The following FLRT2 variants were observed in gnomAD, a reference collection of about 807,000 sequenced individuals.
The protein encoded by FLRT2 is leucine-rich repeat transmembrane protein FLRT2.
Under a neutral mutation model 40.0 loss-of-function variants are expected in FLRT2, and 15 were observed. The ratio of observed to expected loss-of-function variants is 0.38; its 90% CI spans 0.25 to 0.58. The LOEUF (loss-of-function observed/expected upper bound fraction) is 0.58. Ranked by LOEUF, FLRT2 falls within the 20% of genes least tolerant of loss-of-function variation. FLRT2 has a pLI of 0.71. For missense variants in FLRT2, 726 were observed against 840.0 expected, an observed-to-expected ratio of 0.86 and a Z score of 1.68; for synonymous variants, 380 against 336.8, an observed-to-expected ratio of 1.13 and a Z score of -1.41.
At chr14:85,577,561 T>G (rs1303851487) in intron 1 of FLRT2, among the ~76,000 whole-genome samples, 2 of 152,098 alleles carry the variant, frequency 1.3e-5, no homozygotes, top group Non-Finnish European at 2.9e-5. Flanking sequence ...GACTATGCCC[T>G]ACCTTCCATG....
At chr14:85,562,229 T>G (rs1351243115) in intron 1 of FLRT2, among the ~76,000 whole-genome samples, 1 of 152,236 alleles carries the variant, frequency 6.6e-6, no homozygotes, top group East Asian at 1.9e-4. Context: ...GTCACCTTCT[T>G]TAGTCCATGG....
At chr14:85,531,863 C>A (rs931883088) in intron 1 of FLRT2, among the ~76,000 whole-genome samples, 2 of 152,170 alleles carry the variant, frequency 1.3e-5, no homozygotes, top group African/African-American at 4.8e-5. Context: ...GGGTAGTGTG[C>A]GCGTGTGTGT....
rs1894349557 is a variant in FLRT2, at chr14:85,648,037, T to C, written c.*24540T>C. The C allele has an allele frequency of 6.6e-6, 1 of 152,174 alleles. No individual in the cohort carries two copies. The highest frequency in any genetic ancestry group is 2.1e-4 in the South Asian group (1 of 4,832). 9.4% of individuals were successfully genotyped at this position (152,174 alleles called of 1,614,324 possible). A position where few individuals can be genotyped will look rare whatever the true frequency, so the allele number is the denominator to read the frequency against. ...CCCTACAATTTTATAAAAATGGTGA[T>C]ACATTTGTAATTTGTCCCTCAAATT... is the stretch of plus-strand genomic sequence containing the variant. On this transcript the variant is annotated 3_prime_UTR_variant, in exon 2 of 2. Coordinates refer to ENST00000330753, the MANE Select transcript of FLRT2 (RefSeq NM_013231.6).
chr14:85,567,801 C>T (rs561719054), intron 1 of FLRT2, among the ~76,000 whole-genome samples: 51 of 151,946 alleles, frequency 3.4e-4, no homozygotes, highest in Non-Finnish European at 6.5e-4. Flanking sequence ...CCACCATGGC[C>T]GGCTACTTTT....
intron 1 of FLRT2, among the ~76,000 whole-genome samples, chr14:85,595,446 GAA>G (rs140209277): frequency 0.011 from 1,499 of 132,316 alleles, 19 homozygotes; most frequent in African/African-American, 0.026. Flanking sequence ...AGTAAGATGT[GAA>G]AAAAAAAAAA....
chr14:85,568,588 A>T (rs4127748), intron 1 of FLRT2, among the ~76,000 whole-genome samples: 3,288 of 152,232 alleles, frequency 0.022, 126 homozygotes, highest in African/African-American at 0.074. Flanking sequence ...TGGGCTTCAA[A>T]TCCAGTTCCT....
intron 1 of FLRT2, among the ~76,000 whole-genome samples, chr14:85,575,440 G>A (rs1891087519): frequency 6.6e-6 from 1 of 152,062 alleles, no homozygotes. Flanking sequence ...CAAAAACAAA[G>A]TGTTCCCAAA....
intron 1 of FLRT2, among the ~76,000 whole-genome samples, chr14:85,575,295 C>A (rs771794729): frequency 6.6e-6 from 1 of 151,748 alleles, no homozygotes; most frequent in African/African-American, 2.4e-5. Context: ...CCACATTCCT[C>A]TCTGTCTGCA....
rs200412416 is a variant in FLRT2 at position 85,622,702 on chromosome 14, G to T, written c.1188G>T (p.Thr396=). 60 of 1,613,676 alleles carry T rather than the reference G, an allele frequency of 3.7e-5. No individual in the cohort carries two copies. The highest frequency in any genetic ancestry group is 5.0e-5 in the Non-Finnish European group (59 of 1,179,986). ...LSIPNPSRSY[T]PPTPTTSKLP... is the part of the protein sequence containing the mutation. ...TTCCAAACCCTAGCAGAAGCTACACGCCTCCAACTCCTACCACATCGAAAC... is the reference window on the plus strand; with the variant it reads ...TTCCAAACCCTAGCAGAAGCTACACTCCTCCAACTCCTACCACATCGAAAC... Residue 396 remains threonine (T), a synonymous_variant, in exon 2 of 2, where the codon ACG becomes ACT. Transcript: ENST00000330753.
chr14:85,535,071 T>C (rs2139798576), intron 1 of FLRT2, among the ~76,000 whole-genome samples: 1 of 152,246 alleles, frequency 6.6e-6, no homozygotes, highest in South Asian at 2.1e-4. Context: ...CGCTCAAGAG[T>C]GCAAGGTGCT....
chr14:85,622,857 T>C lies in FLRT2; in HGVS notation c.1343T>C (p.Met448Thr). 1 of 1,614,196 alleles carries C rather than the reference T, an allele frequency of 6.2e-7. No individual in the cohort carries two copies. The highest frequency in any genetic ancestry group is 2.2e-5 in the East Asian group (1 of 44,862). The change falls in exon 2 of 2, where the codon ATG becomes ACG. Residue 448 changes from methionine (M) to threonine (T), a missense_variant. By Grantham distance (81) the Met-to-Thr change is moderately conservative. Coordinates refer to ENST00000330753, the MANE Select transcript of FLRT2 (RefSeq NM_013231.6). Reference protein sequence around the residue: ...QVSWLSLFTVMAYKLTWVKMG... With the variant: ...QVSWLSLFTVTAYKLTWVKMG... ...AGCTGGCTCTCTCTCTTCACCGTGA[T>C]GGCATACAAACTCACATGGGTGAAA...
rs115654598 is a variant in FLRT2, at chr14:85,583,621, C to T, written c.-376-37518C>T. On this transcript the variant is annotated intron_variant, in intron 1 of 1. Transcript: ENST00000330753. The stretch of plus-strand genomic sequence containing the variant: ...GACTCCTACAGGATAAAGTCAGGAT[C>T]AGAGCTCCTGGTCCGCTTAAAGAAT... 9.0e-3 allele frequency among the ~76,000 whole-genome samples: 1,366 copies of T among 152,240 alleles called. 21 individuals are homozygous for T. Among genetic ancestry groups the T allele is most frequent in the African/African-American group, 0.031 (1,296 of 41,522 alleles).
intron 1 of FLRT2, among the ~76,000 whole-genome samples, chr14:85,563,855 C>G (rs1890487274): frequency 6.6e-6 from 1 of 152,122 alleles, no homozygotes; most frequent in African/African-American, 2.4e-5. Context: ...GTGAAATGTT[C>G]TATTTCCTCT....
rs1024592760 is a variant in FLRT2 at position 85,622,336 on chromosome 14, T to A, written c.822T>A (p.Asn274Lys). The change falls in exon 2 of 2, where the codon AAT (asparagine) becomes AAA (lysine). Residue 274 changes from asparagine to lysine, a missense_variant. Asn to Lys is a moderately conservative substitution (Grantham distance 94, BLOSUM62 0). Transcript: ENST00000330753. ...INHIPLTAFS[N>K]LRKLERLDIS... ...ACATTCCTTTGACAGCCTTCTCAAA[T>A]CTGCGTAAGCTGGAACGGCTGGATA... is the stretch of plus-strand genomic sequence containing the variant. The A allele has an allele frequency of 1.2e-6, 2 of 1,614,134 alleles. No homozygotes were observed. The highest frequency in any genetic ancestry group is 1.7e-5 in the Admixed American group (1 of 60,012).
At chr14:85,583,338 A>G in intron 1 of FLRT2, among the ~76,000 whole-genome samples, 1 of 152,236 alleles carries the variant, frequency 6.6e-6, no homozygotes, top group East Asian at 1.9e-4. Flanking sequence ...CAGAAATTCA[A>G]CAAACAGTCT....
At chr14:85,563,636 G>C (rs1955422) in intron 1 of FLRT2, among the ~76,000 whole-genome samples, 84,242 of 151,886 alleles carry the variant, frequency 0.55, 24,152 homozygotes, top group Non-Finnish European at 0.63. Flanking sequence ...CAGCAAGGGG[G>C]AAGTCCACCT....
rs1315896426 is a variant in FLRT2, at chr14:85,537,052, G to A, written c.-377+6518G>A. 2.0e-5 allele frequency among the ~76,000 whole-genome samples: 3 copies of A among 152,178 alleles called. No individual in the cohort carries two copies. In the East Asian group the frequency reaches 5.8e-4, roughly 29 times the overall value. ...GTGGTAACTAGACTTCATGGTAGCT[G>A]TGTGTATATGTCTTTAAATTCTGCT... On this transcript the variant is annotated intron_variant, in intron 1 of 1. Coordinates refer to ENST00000330753, the MANE Select transcript of FLRT2 (RefSeq NM_013231.6).
intron 1 of FLRT2, among the ~76,000 whole-genome samples, chr14:85,572,717 C>T (rs1435828520): frequency 6.6e-6 from 1 of 152,188 alleles, no homozygotes; most frequent in Admixed American, 6.5e-5. Flanking sequence ...TCATGCTTCT[C>T]ATTCAATACA....
intron 1 of FLRT2, among the ~76,000 whole-genome samples, chr14:85,541,753 A>G (rs2139810743): frequency 6.6e-6 from 1 of 152,108 alleles, no homozygotes; most frequent in Non-Finnish European, 1.5e-5. Context: ...CCTAACTTGG[A>G]CTTTATTTGT....
Sources: allele counts gnomAD v4.1 joint callset (sites outside exome capture counted in the v4.1 genomes callset), GRCh38; gene constraint gnomAD v4.1.1; transcripts MANE v1.5; gene names NCBI Gene and HGNC (gene_info 2026-07-23, HGNC 2026-07-21).